IGF2BP3: variants seen among roughly 807,000 people sequenced by gnomAD.
IGF2BP3 encodes the protein insulin like growth factor 2 mRNA binding protein 3.
In IGF2BP3, 9 loss-of-function variants were observed where a neutral mutation model predicts 73.8. The ratio of observed to expected loss-of-function variants is 0.12; its 90% CI spans 0.07 to 0.21. IGF2BP3 has a LOEUF of 0.21. IGF2BP3 is among the 10% of genes least tolerant of loss of function. The probability of loss-of-function intolerance (pLI) is 1.00; values close to 1 mark genes in which losing one functional copy is unlikely to be tolerated. For missense variants in IGF2BP3, 542 were observed against 714.0 expected, an observed-to-expected ratio of 0.76 and a Z score of 2.75; for synonymous variants, 258 against 256.7, an observed-to-expected ratio of 1.01 and a Z score of -0.05.
intron 3 of IGF2BP3, among the ~76,000 whole-genome samples, chr7:23,411,639 C>T (rs1053960612): frequency 6.6e-6 from 1 of 152,124 alleles, no homozygotes; most frequent in Non-Finnish European, 1.5e-5. Context: ...TTCCTGTATC[C>T]ACATGGACCA....
At chr7:23,327,577 G>A (rs1453295434) in intron 10 of IGF2BP3, among the ~76,000 whole-genome samples, 3 of 152,242 alleles carry the variant, frequency 2.0e-5, no homozygotes, top group South Asian at 2.1e-4. Flanking sequence ...CACCGCACCC[G>A]TCCTGAAATT....
chr7:23,373,921 C>G (rs1350615433), intron 3 of IGF2BP3, among the ~76,000 whole-genome samples: 1 of 152,182 alleles, frequency 6.6e-6, no homozygotes, highest in Non-Finnish European at 1.5e-5. Context: ...CTCTCTTGCT[C>G]CCTCTCATGC....
intron 7 of IGF2BP3, among the ~76,000 whole-genome samples, chr7:23,346,938 A>C (rs1404125651): frequency 2.6e-5 from 4 of 152,140 alleles, no homozygotes; most frequent in African/African-American, 9.7e-5. Flanking sequence ...TTTTACTTTA[A>C]TAATTACATT....
intron 2 of IGF2BP3, among the ~76,000 whole-genome samples, chr7:23,453,393 T>C (rs758904707): frequency 1.3e-5 from 2 of 152,158 alleles, no homozygotes; most frequent in South Asian, 2.1e-4. Context: ...TAGACAACAG[T>C]GTTAGTTTCA....
chr7:23,361,986 A>G (rs1183914853), intron 3 of IGF2BP3, among the ~76,000 whole-genome samples: 1 of 152,220 alleles, frequency 6.6e-6, no homozygotes, highest in Non-Finnish European at 1.5e-5. Context: ...CTGGCTCAGA[A>G]AAGTATGCAA....
At chr7:23,328,756 T>C (rs999984646) in intron 10 of IGF2BP3, among the ~76,000 whole-genome samples, 1 of 152,172 alleles carries the variant, frequency 6.6e-6, no homozygotes, top group Non-Finnish European at 1.5e-5. Context: ...ATCAACTACC[T>C]ACCTAACCTA....
Position 23,391,227 on chromosome 7 carries a change from G to A in IGF2BP3, c.285+27549C>T, listed in dbSNP as rs183137101. Among the ~76,000 whole-genome samples the A allele has an allele frequency of 4.5e-3, 679 of 151,652 alleles. 5 individuals are homozygous for A. Among genetic ancestry groups the A allele is most frequent in the African/African-American group, 0.015 (618 of 41,312 alleles). On this transcript the variant is annotated intron_variant, in intron 3 of 14. Transcript: ENST00000258729. ...CGATTCTTGTGCCTCAGCCTCCTGA[G>A]TAGCTGGGATTACAGGCGTGTGCCA...
intron 5 of IGF2BP3, among the ~76,000 whole-genome samples, chr7:23,354,428 A>C (rs1562694824): frequency 2.0e-5 from 3 of 152,252 alleles, no homozygotes; most frequent in African/African-American, 2.4e-5. Flanking sequence ...TAAATGGCGT[A>C]TTGCCAGCTT....
intron 3 of IGF2BP3, among the ~76,000 whole-genome samples, chr7:23,391,522 A>C (rs1786278120): frequency 6.6e-6 from 1 of 152,176 alleles, no homozygotes; most frequent in Non-Finnish European, 1.5e-5. Context: ...TTAGACACTC[A>C]GACTTTCTGA....
rs764513381 is a variant in IGF2BP3, at chr7:23,351,525, G to C, written c.463C>G (p.Pro155Ala). The C allele has an allele frequency of 6.2e-7, 1 of 1,614,014 alleles. No homozygotes were observed. Among genetic ancestry groups the C allele is most frequent in the Non-Finnish European group, 8.5e-7 (1 of 1,180,012 alleles). ...ENFTLKVAYI[P>A]DEMAAQQNPL... is the part of the protein sequence containing the mutation. ...TTTTGCTGGGCGGCCATTTCATCAGGGATATAGGCTACTTTCAAGGTGAAA... is the reference window on the plus strand; with the variant it reads ...TTTTGCTGGGCGGCCATTTCATCAGCGATATAGGCTACTTTCAAGGTGAAA... The change falls in exon 6 of 15, where the codon CCT (proline) becomes GCT (alanine). Residue 155 changes from proline (P) to alanine (A), a missense_variant. Transcript: ENST00000258729.
intron 3 of IGF2BP3, among the ~76,000 whole-genome samples, chr7:23,410,205 A>G (rs1786975622): frequency 6.6e-6 from 1 of 151,980 alleles, no homozygotes; most frequent in Non-Finnish European, 1.5e-5. Flanking sequence ...AAAAGAAAAA[A>G]AAATAGCCAG....
intron 2 of IGF2BP3, among the ~76,000 whole-genome samples, chr7:23,453,652 T>C (rs756556900): frequency 4.6e-5 from 7 of 152,218 alleles, no homozygotes; most frequent in Non-Finnish European, 8.8e-5. Context: ...TAAGTTCTAA[T>C]AGATACTGCC....
intron 10 of IGF2BP3, among the ~76,000 whole-genome samples, chr7:23,321,551 C>T (rs1264921777): frequency 1.3e-5 from 2 of 152,208 alleles, no homozygotes; most frequent in Non-Finnish European, 1.5e-5. Flanking sequence ...CCAGGACGCT[C>T]GAACTGGGTG....
chr7:23,361,507 A>G (rs774154858), intron 5 of IGF2BP3, 27 bp downstream of exon 5: 8 of 1,578,624 alleles, frequency 5.1e-6, no homozygotes, highest in Non-Finnish European at 7.0e-6. Context: ...GTTATTATAT[A>G]TAGATTAAAA....
chr7:23,317,724 C>A lies in IGF2BP3; in HGVS notation c.1321-11G>T. ...TTCCGCTGGAGCAATCTGTAACAGA[C>A]CCAACAACAAGTTATGATACTTTCA... is the stretch of plus-strand genomic sequence containing the variant. On this transcript the variant is annotated splice_polypyrimidine_tract_variant and intron_variant, in intron 11 of 14. Coordinates refer to ENST00000258729, the MANE Select transcript of IGF2BP3 (RefSeq NM_006547.3). The A allele has an allele frequency of 6.2e-7, 1 of 1,610,950 alleles. No homozygotes were observed. Among genetic ancestry groups the A allele is most frequent in the East Asian group, 2.2e-5 (1 of 44,872 alleles).
chr7:23,339,031 G>C (rs891921826), intron 10 of IGF2BP3, among the ~76,000 whole-genome samples: 1 of 152,230 alleles, frequency 6.6e-6, no homozygotes, highest in Non-Finnish European at 1.5e-5. Context: ...TTAAGAATGC[G>C]AATTTCCTTT....
chr7:23,410,458 T>C (rs12700437), intron 3 of IGF2BP3, among the ~76,000 whole-genome samples: 76,038 of 151,878 alleles, frequency 0.5, 20,098 homozygotes, highest in Non-Finnish European at 0.6. Flanking sequence ...ACAAAGGACA[T>C]GGGGTAAACA....
intron 2 of IGF2BP3, among the ~76,000 whole-genome samples, chr7:23,441,574 TAA>T (rs769391858): frequency 0.011 from 608 of 56,794 alleles, 1 homozygote; most frequent in African/African-American, 0.039. Context: ...CTCCATCTCT[TAA>T]AAAAAAAAAA....
chr7:23,362,956 C>T (rs1245772412), intron 3 of IGF2BP3, among the ~76,000 whole-genome samples: 3 of 151,942 alleles, frequency 2.0e-5, no homozygotes, highest in African/African-American at 7.3e-5. Flanking sequence ...GGTCTTACTA[C>T]GTTGCCCAGG....
Sources: gnomAD v4.1 joint callset for allele counts (sites outside exome capture counted in the v4.1 genomes callset) on GRCh38, gnomAD v4.1.1 for gene constraint, MANE v1.5 for transcripts, NCBI Gene and HGNC (gene_info 2026-07-23, HGNC 2026-07-21) for gene names.